The following CNTNAP2 variants were observed in gnomAD, a reference collection of about 807,000 sequenced individuals.
CNTNAP2 encodes contactin associated protein 2.
CNTNAP2 carries 98 observed loss-of-function variants against 155.2 expected under a neutral mutation model. The observed-to-expected ratio is 0.63, with a 90% confidence interval of 0.54 to 0.75. The LOEUF is 0.75. Ranked by LOEUF, CNTNAP2 falls within the 30% of genes least tolerant of loss-of-function variation. The pLI is 0.00. For synonymous variants in CNTNAP2, 651 were observed against 631.2 expected (o/e 1.03, Z -0.47); for missense variants, 1,727 against 1,688.1 (o/e 1.02, Z -0.40).
At position 147,310,329 on chromosome 7, in the gene CNTNAP2, G is replaced by T. The variant is rs751703599; in HGVS notation, c.1498+10039G>T. ...AAAACTCTTTGACTTTCAAGAATTG[G>T]CTTAACCCTGCGGCCATTTACCATT... is the stretch of plus-strand genomic sequence containing the variant. On this transcript the variant is annotated intron_variant, in intron 9 of 23. Coordinates refer to ENST00000361727, the MANE Select transcript of CNTNAP2 (RefSeq NM_014141.6). 6.6e-4 allele frequency among the ~76,000 whole-genome samples: 101 copies of T among 152,162 alleles called. 2 individuals are homozygous for T. Among genetic ancestry groups the T allele is most frequent in the Non-Finnish European group, 2.8e-4 (19 of 67,982 alleles).
At chr7:147,619,778 G>C (rs1055528288) in intron 12 of CNTNAP2, among the ~76,000 whole-genome samples, 1 of 152,196 alleles carries the variant, frequency 6.6e-6, no homozygotes, top group Admixed American at 6.5e-5. Context: ...GAAGGACATA[G>C]GCCTGGCTGG....
At chr7:146,856,237 A>G (rs1466840677) in intron 3 of CNTNAP2, among the ~76,000 whole-genome samples, 1 of 149,320 alleles carries the variant, frequency 6.7e-6, no homozygotes, top group Non-Finnish European at 1.5e-5. Flanking sequence ...AGGTAGGTAG[A>G]CAGACAGATA....
chr7:148,290,426 TAAGA>T (rs1408583710), intron 21 of CNTNAP2, among the ~76,000 whole-genome samples: 1 of 152,232 alleles, frequency 6.6e-6, no homozygotes, highest in Admixed American at 6.5e-5. Flanking sequence ...TATAATGCTT[TAAGA>T]AAGAAAGTAA....
At chr7:147,510,726 A>G (rs1799000997) in intron 11 of CNTNAP2, among the ~76,000 whole-genome samples, 1 of 151,350 alleles carries the variant, frequency 6.6e-6, no homozygotes, top group Non-Finnish European at 1.5e-5. Flanking sequence ...ACTAGTATGC[A>G]CTTTACAAAA....
intron 9 of CNTNAP2, among the ~76,000 whole-genome samples, chr7:147,301,178 C>G (rs750048196): frequency 2.6e-4 from 39 of 152,068 alleles, no homozygotes; most frequent in Non-Finnish European, 4.6e-4. Context: ...CATGTTGTCA[C>G]AAACATCTTG....
At chr7:147,652,228 A>G (rs1050711491) in intron 13 of CNTNAP2, among the ~76,000 whole-genome samples, 14 of 152,218 alleles carry the variant, frequency 9.2e-5, no homozygotes, top group Non-Finnish European at 1.8e-4. Context: ...GTGGCTGGGT[A>G]AATAGTTTTT....
chr7:147,453,484 C>T (rs10228191), intron 10 of CNTNAP2, among the ~76,000 whole-genome samples: 18,765 of 152,150 alleles, frequency 0.12, 1,416 homozygotes, highest in East Asian at 0.32. Context: ...TAGATTCTTG[C>T]ACAGGGCTTG....
intron 1 of CNTNAP2, among the ~76,000 whole-genome samples, chr7:146,677,091 G>A (rs976408269): frequency 3.9e-5 from 6 of 152,144 alleles, no homozygotes; most frequent in Admixed American, 3.9e-4. Context: ...ATACATTTAG[G>A]GAGACATGAG....
At chr7:146,307,237 A>G (rs1448431759) in intron 1 of CNTNAP2, among the ~76,000 whole-genome samples, 1 of 152,186 alleles carries the variant, frequency 6.6e-6, no homozygotes, top group African/African-American at 2.4e-5. Context: ...CAATTGCTTC[A>G]AAAAGAATAA....
chr7:147,922,409 C>T (rs1800298620), intron 14 of CNTNAP2, among the ~76,000 whole-genome samples: 1 of 152,170 alleles, frequency 6.6e-6, no homozygotes. Context: ...AGGGGCAATG[C>T]CCAGGCTTCA....
chr7:146,592,991 A>G (rs1419869660), intron 1 of CNTNAP2, among the ~76,000 whole-genome samples: 2 of 151,874 alleles, frequency 1.3e-5, no homozygotes, highest in Non-Finnish European at 2.9e-5. Context: ...TGTCTGCCAT[A>G]CAGGGTCGTT....
intron 8 of CNTNAP2, among the ~76,000 whole-genome samples, chr7:147,230,150 T>G (rs1410098873): frequency 3.3e-5 from 5 of 152,236 alleles, no homozygotes; most frequent in Admixed American, 2.6e-4. Flanking sequence ...TTTCATAAAC[T>G]GTTATTTACT....
At chr7:147,332,268 A>T (rs1795583828) in intron 9 of CNTNAP2, among the ~76,000 whole-genome samples, 1 of 152,210 alleles carries the variant, frequency 6.6e-6, no homozygotes, top group African/African-American at 2.4e-5. Context: ...TTCAAGAAAA[A>T]TAATTCATTT....
chr7:147,250,840 G>C (rs896218524), intron 8 of CNTNAP2, among the ~76,000 whole-genome samples: 1 of 152,138 alleles, frequency 6.6e-6, no homozygotes, highest in Non-Finnish European at 1.5e-5. Flanking sequence ...CAGTCTGTCC[G>C]AGCAAGTCCT....
chr7:148,262,419 T>G (rs931919710), intron 20 of CNTNAP2, among the ~76,000 whole-genome samples: 10 of 152,158 alleles, frequency 6.6e-5, no homozygotes, highest in African/African-American at 2.4e-4. Context: ...ATTTACTATC[T>G]CACAGTTCCA....
chr7:147,354,759 T>A (rs558066439), intron 9 of CNTNAP2, among the ~76,000 whole-genome samples: 1 of 152,296 alleles, frequency 6.6e-6, no homozygotes, highest in South Asian at 2.1e-4. Flanking sequence ...TGATTCTTCC[T>A]GTGCATGAGC....
At chr7:147,910,972 G>C (rs990222341) in intron 14 of CNTNAP2, among the ~76,000 whole-genome samples, 2 of 152,012 alleles carry the variant, frequency 1.3e-5, no homozygotes, top group Admixed American at 1.3e-4. Flanking sequence ...CACATAAAAT[G>C]AACTATCTTA....
At position 147,957,110 on chromosome 7, in the gene CNTNAP2, G is replaced by C. The variant is rs148838849; in HGVS notation, c.2256-20752G>C. 3.3e-5 allele frequency among the ~76,000 whole-genome samples: 5 copies of C among 152,328 alleles called. No individual in the cohort carries two copies. In the East Asian group the frequency reaches 7.7e-4, roughly 23 times the overall value. On this transcript the variant is annotated intron_variant, in intron 14 of 23. Transcript: ENST00000361727. ...AGAAAAGGTGTTTGAGGTTTGAAGA[G>C]ACAGGGGAAAAAGTCTGTTAAGAGA...
chr7:147,142,787 A>G (rs1801625547), intron 8 of CNTNAP2, among the ~76,000 whole-genome samples: 1 of 152,106 alleles, frequency 6.6e-6, no homozygotes. Flanking sequence ...ATTTCTTAGC[A>G]TGCCACACAA....
Sources: allele counts gnomAD v4.1 joint callset (sites outside exome capture counted in the v4.1 genomes callset), GRCh38; gene constraint gnomAD v4.1.1; transcripts MANE v1.5; gene names NCBI Gene and HGNC (gene_info 2026-07-23, HGNC 2026-07-21).